Variants in AIRIM observed in about 807,000 individuals in gnomAD.
AIRIM encodes AFG2-interacting ribosome maturation factor.
chr1:37,691,506 G>A, the AIRIM span: 1 of 153,198 alleles, frequency 6.5e-6, no homozygotes, highest in African/African-American at 2.4e-5. Flanking sequence ...CCCGCCTTGA[G>A]ACTCAGCCTG....
chr1:37,685,539 C>G, the AIRIM span, among the ~76,000 whole-genome samples: 12 of 152,036 alleles, frequency 7.9e-5, no homozygotes, highest in Non-Finnish European at 1.5e-4. Context: ...AGGCACATAC[C>G]ACCATGCCTG....
chr1:37,687,088 G>T, the AIRIM span, among the ~76,000 whole-genome samples: 5 of 147,490 alleles, frequency 3.4e-5, no homozygotes, highest in African/African-American at 1.3e-4. Context: ...GTGTGTGTGT[G>T]TGTGTGTGTG....
chr1:37,686,949 G>A, the AIRIM span, among the ~76,000 whole-genome samples: 165 of 151,994 alleles, frequency 1.1e-3, 1 homozygote, highest in African/African-American at 3.8e-3. Flanking sequence ...TGTAGACCCA[G>A]CTACTCGGGA....
chr1:37,690,486 A>C, the AIRIM span: 2 of 1,241,882 alleles, frequency 1.6e-6, no homozygotes, highest in South Asian at 2.7e-5. Context: ...AAGCGTGAGA[A>C]CCCTCCAGGG....
the AIRIM span, chr1:37,689,869 G>A: frequency 6.4e-7 from 1 of 1,557,688 alleles, no homozygotes; most frequent in Non-Finnish European, 8.7e-7. Context: ...GCAGAGGCCG[G>A]TCTTGAGTCA....
At chr1:37,687,391 CAA>C in the AIRIM span, among the ~76,000 whole-genome samples, 1 of 151,568 alleles carries the variant, frequency 6.6e-6, no homozygotes, top group African/African-American at 2.4e-5. Context: ...CTCGGCCTCC[CAA>C]AGTGTTAGGA....
chr1:37,686,372 G>C, the AIRIM span: 1 of 1,614,142 alleles, frequency 6.2e-7, no homozygotes, highest in South Asian at 1.1e-5. Context: ...AATGCCAACT[G>C]TGTCTGCGTG....
the AIRIM span, chr1:37,691,456 A>C: frequency 6.5e-6 from 1 of 152,860 alleles, no homozygotes; most frequent in Non-Finnish European, 1.5e-5. Flanking sequence ...TCAGGCCACA[A>C]ACCCGTCAAG....
the AIRIM span, chr1:37,683,102 C>G: frequency 2.5e-6 from 4 of 1,609,892 alleles, no homozygotes; most frequent in African/African-American, 4.0e-5. Context: ...TACCCGTGGT[C>G]TCCAGATACG....
chr1:37,689,910 T>C, the AIRIM span: 7 of 1,511,964 alleles, frequency 4.6e-6, no homozygotes, highest in Admixed American at 8.6e-5. Flanking sequence ...AAACAGAAAA[T>C]AACCACGTTG....
the AIRIM span, among the ~76,000 whole-genome samples, chr1:37,685,163 G>A: frequency 1.6e-5 from 2 of 127,862 alleles, no homozygotes; most frequent in Non-Finnish European, 3.1e-5. Context: ...GTTTCTAAGA[G>A]GTTTTTCTGT....
At chr1:37,687,922 T>C in the AIRIM span, among the ~76,000 whole-genome samples, 3 of 151,876 alleles carry the variant, frequency 2.0e-5, no homozygotes, top group Admixed American at 1.3e-4. Flanking sequence ...GGGATCTCAC[T>C]ATGTTGCCCA....
chr1:37,683,596 A>G, the AIRIM span: 5,237 of 759,932 alleles, frequency 6.9e-3, 28 homozygotes, highest in Non-Finnish European at 9.4e-3. Context: ...ATATTTCCTG[A>G]GCAACTGTTT....
the AIRIM span, among the ~76,000 whole-genome samples, chr1:37,686,722 A>C: frequency 1.3e-5 from 2 of 152,170 alleles, no homozygotes; most frequent in Non-Finnish European, 2.9e-5. Flanking sequence ...TCCAATTGAG[A>C]CCACTGGTCT....
the AIRIM span, chr1:37,686,437 C>G: frequency 6.2e-7 from 1 of 1,613,438 alleles, no homozygotes; most frequent in South Asian, 1.1e-5. Context: ...TGTCTCGCAC[C>G]TTGAGGAGGA....
At chr1:37,684,930 G>C in the AIRIM span, among the ~76,000 whole-genome samples, 1 of 152,042 alleles carries the variant, frequency 6.6e-6, no homozygotes, top group Non-Finnish European at 1.5e-5. Flanking sequence ...AAGCCAAGGA[G>C]GTAGGATCAT....
chr1:37,688,668 G>A, the AIRIM span, among the ~76,000 whole-genome samples: 5 of 152,220 alleles, frequency 3.3e-5, no homozygotes, highest in East Asian at 7.7e-4. Flanking sequence ...TTTCCTATTA[G>A]TCTATGACAG....
the AIRIM span, chr1:37,690,196 T>C: frequency 1.0e-5 from 12 of 1,186,966 alleles, no homozygotes; most frequent in Non-Finnish European, 1.2e-5. Context: ...TTTGTATTTT[T>C]AGTAGACGGG....
the AIRIM span, chr1:37,683,161 C>G: frequency 6.2e-7 from 1 of 1,612,178 alleles, no homozygotes; most frequent in Non-Finnish European, 8.5e-7. Context: ...AATAGGATAT[C>G]TGAAATAGGA....
Sources: gnomAD v4.1 joint callset for allele counts (sites outside exome capture counted in the v4.1 genomes callset) on GRCh38, gnomAD v4.1.1 for gene constraint, MANE v1.5 for transcripts, NCBI Gene and HGNC (gene_info 2026-07-23, HGNC 2026-07-21) for gene names.